The following FOXN2 variants were observed in gnomAD, a reference collection of about 807,000 sequenced individuals.
The protein encoded by FOXN2 is forkhead box protein N2.
A neutral mutation model predicts 41.2 loss-of-function variants in FOXN2; 19 were observed. The ratio of observed to expected loss-of-function variants is 0.46; its 90% CI spans 0.32 to 0.68. FOXN2 has a LOEUF of 0.68. Ranked by LOEUF, FOXN2 falls within the 30% of genes least tolerant of loss-of-function variation. FOXN2 has a pLI of 0.03. For synonymous variants in FOXN2, 195 were observed against 176.8 expected, an observed-to-expected ratio of 1.10 and a Z score of -0.82; for missense variants, 587 against 509.4, an observed-to-expected ratio of 1.15 and a Z score of -1.47.
intron 2 of FOXN2, among the ~76,000 whole-genome samples, chr2:48,334,553 A>G (rs559984506): frequency 6.6e-6 from 1 of 152,354 alleles, no homozygotes; most frequent in South Asian, 2.1e-4. Context: ...TTCTGCTGAA[A>G]ACAACCTAAA....
chr2:48,336,662 G>A (rs1351966338), intron 2 of FOXN2, among the ~76,000 whole-genome samples: 8 of 151,846 alleles, frequency 5.3e-5, no homozygotes, highest in African/African-American at 1.9e-4. Flanking sequence ...GGAAAGAGCA[G>A]GATACCAAAA....
chr2:48,316,178 G>A (rs954010307), intron 1 of FOXN2, among the ~76,000 whole-genome samples: 1 of 152,200 alleles, frequency 6.6e-6, no homozygotes, highest in East Asian at 1.9e-4. Flanking sequence ...TGTTCCATCC[G>A]AATCTTAAGA....
chr2:48,320,217 A>T (rs1669207172), intron 1 of FOXN2, among the ~76,000 whole-genome samples: 1 of 152,158 alleles, frequency 6.6e-6, no homozygotes, highest in African/African-American at 2.4e-5. Flanking sequence ...ATTAATAATC[A>T]TAGCAACAAC....
intron 3 of FOXN2, among the ~76,000 whole-genome samples, chr2:48,354,526 G>A (rs1306721090): frequency 2.0e-5 from 3 of 152,212 alleles, no homozygotes; most frequent in Non-Finnish European, 4.4e-5. Flanking sequence ...CTTGAACCCA[G>A]GAGGCAGAGG....
intron 2 of FOXN2, among the ~76,000 whole-genome samples, chr2:48,329,583 T>G (rs963205546): frequency 2.6e-5 from 4 of 152,176 alleles, no homozygotes; most frequent in African/African-American, 9.7e-5. Flanking sequence ...CTGTGTCACC[T>G]AAATCTGTGA....
chr2:48,365,175 A>T (rs894556834), intron 5 of FOXN2, among the ~76,000 whole-genome samples: 3 of 152,224 alleles, frequency 2.0e-5, no homozygotes, highest in Non-Finnish European at 2.9e-5. Flanking sequence ...GAACTATACT[A>T]AACTGAGCCT....
chr2:48,319,967 G>T (rs146269663), intron 1 of FOXN2, among the ~76,000 whole-genome samples: 2 of 151,768 alleles, frequency 1.3e-5, no homozygotes, highest in Non-Finnish European at 2.9e-5. Context: ...TACAGGGTTA[G>T]TGTGGTTATT....
intron 5 of FOXN2, among the ~76,000 whole-genome samples, chr2:48,372,539 A>G (rs1255302270): frequency 2.0e-5 from 3 of 152,116 alleles, no homozygotes; most frequent in Non-Finnish European, 4.4e-5. Flanking sequence ...ATACCATTTT[A>G]CTTTTCTTTA....
chr2:48,322,326 A>G (rs1374595048), intron 1 of FOXN2, among the ~76,000 whole-genome samples: 2 of 152,196 alleles, frequency 1.3e-5, no homozygotes, highest in Non-Finnish European at 2.9e-5. Context: ...AAACAAATGC[A>G]GAAAACCACA....
chr2:48,335,360 T>C (rs1670266510), intron 2 of FOXN2, among the ~76,000 whole-genome samples: 2 of 152,124 alleles, frequency 1.3e-5, no homozygotes, highest in African/African-American at 4.8e-5. Context: ...TAATGAAAGG[T>C]AAATCTTAAG....
Position 48,346,478 on chromosome 2 carries a change from A to G in FOXN2, c.264A>G (p.Ile88Met), listed in dbSNP as rs1304843159. 6.2e-7 allele frequency: 1 copy of G among 1,614,198 alleles called. No homozygotes were observed. The highest frequency in any genetic ancestry group is 8.5e-7 in the Non-Finnish European group (1 of 1,180,022). ...GLPIVSPLYD[I>M]EGDDVPSFGP... ...CAATTGTTAGTCCATTGTATGACAT[A>G]GAGGGAGATGATGTGCCATCCTTTG... is the stretch of plus-strand genomic sequence containing the variant. Residue 88 changes from isoleucine to methionine, a missense_variant, in exon 3 of 7, where the codon ATA (isoleucine) becomes ATG (methionine). Coordinates refer to ENST00000340553, the MANE Select transcript of FOXN2 (RefSeq NM_002158.4).
At chr2:48,320,955 G>C (rs1669274039) in intron 1 of FOXN2, among the ~76,000 whole-genome samples, 1 of 152,006 alleles carries the variant, frequency 6.6e-6, no homozygotes, top group Non-Finnish European at 1.5e-5. Context: ...TAAGTATGTT[G>C]GTGGCTGGTG....
chr2:48,362,625 T>C lies in FOXN2; in HGVS notation c.639-18T>C, dbSNP rs764952546. 2 of 1,610,024 alleles carry C rather than the reference T, an allele frequency of 1.2e-6. No homozygotes were observed. Among genetic ancestry groups the C allele is most frequent in the Middle Eastern group, 1.7e-4 (1 of 6,042 alleles). Reference sequence around the variant, plus strand: ...AAACATTTTTATAAGCATATTTGCTTTTCTGTTTGTTTTTCAGTGGTTCTT... The same window carrying C: ...AAACATTTTTATAAGCATATTTGCTCTTCTGTTTGTTTTTCAGTGGTTCTT... On this transcript the variant is annotated intron_variant, in intron 4 of 6. Coordinates refer to ENST00000340553, the MANE Select transcript of FOXN2 (RefSeq NM_002158.4).
At chr2:48,318,396 A>G (rs923234166) in intron 1 of FOXN2, among the ~76,000 whole-genome samples, 9 of 152,190 alleles carry the variant, frequency 5.9e-5, no homozygotes, top group Non-Finnish European at 1.0e-4. Context: ...TTTTCTGATG[A>G]TTAGACTGGG....
intron 2 of FOXN2, among the ~76,000 whole-genome samples, chr2:48,331,381 A>G (rs1213819304): frequency 6.6e-6 from 1 of 152,232 alleles, no homozygotes; most frequent in African/African-American, 2.4e-5. Flanking sequence ...AAAATTGAAA[A>G]TGTAGCATGA....
intron 1 of FOXN2, among the ~76,000 whole-genome samples, chr2:48,325,519 A>T (rs1669602800): frequency 6.6e-6 from 1 of 151,704 alleles, no homozygotes; most frequent in Non-Finnish European, 1.5e-5. Context: ...ACATGTATGT[A>T]TCTATAGGAA....
intron 3 of FOXN2, 139 bp from the exon 4 acceptor site, chr2:48,358,908 A>G (rs1020097992): frequency 9.8e-6 from 6 of 614,440 alleles, no homozygotes; most frequent in Admixed American, 9.0e-5. Flanking sequence ...CAGTGCACAC[A>G]TAGCAAGCTC....
chr2:48,323,360 A>T (rs937701063), intron 1 of FOXN2, among the ~76,000 whole-genome samples: 1 of 152,174 alleles, frequency 6.6e-6, no homozygotes. Flanking sequence ...CCAACAGTGT[A>T]TGCGCATTCC....
intron 1 of FOXN2, 36 bp downstream of exon 1, chr2:48,314,850 G>C (rs1316306765): frequency 1.3e-5 from 2 of 151,928 alleles, no homozygotes; most frequent in Non-Finnish European, 2.9e-5. Flanking sequence ...TCCAGGGTCG[G>C]CGCTCCCCGC....
Sources: allele counts gnomAD v4.1 joint callset (sites outside exome capture counted in the v4.1 genomes callset), GRCh38; gene constraint gnomAD v4.1.1; transcripts MANE v1.5; gene names NCBI Gene and HGNC (gene_info 2026-07-23, HGNC 2026-07-21).